USP32: variants seen among roughly 807,000 people sequenced by gnomAD.
The protein encoded by USP32 is ubiquitin carboxyl-terminal hydrolase 32.
In USP32, 59 loss-of-function variants were observed where a neutral mutation model predicts 204.8. The ratio of observed to expected loss-of-function variants is 0.29; its 90% CI spans 0.23 to 0.36. The LOEUF (loss-of-function observed/expected upper bound fraction) is 0.36. Ranked by LOEUF, USP32 falls within the 10% of genes least tolerant of loss-of-function variation. The pLI is 1.00. For missense variants in USP32, 1,160 were observed against 1,946.4 expected (o/e 0.60, Z 7.60); for synonymous variants, 517 against 678.4 (o/e 0.76, Z 3.70).
intron 2 of USP32, among the ~76,000 whole-genome samples, chr17:60,323,183 G>A (rs1266724061): frequency 6.6e-6 from 1 of 151,818 alleles, no homozygotes; most frequent in Non-Finnish European, 1.5e-5. Context: ...TCCACGCAAA[G>A]GTATACAAAT....
intron 2 of USP32, among the ~76,000 whole-genome samples, chr17:60,319,123 G>A (rs891049878): frequency 2.6e-5 from 4 of 152,302 alleles, no homozygotes; most frequent in South Asian, 4.1e-4. Flanking sequence ...TTAATGAGCC[G>A]AGTTTCTGTT....
Position 60,191,371 on chromosome 17 carries a change from C to T in USP32, c.3522-688G>A, listed in dbSNP as rs552378869. Among the ~76,000 whole-genome samples, 234 of 125,502 alleles carry T rather than the reference C, an allele frequency of 1.9e-3. 2 individuals are homozygous for T. The highest frequency in any genetic ancestry group is 0.014 in the Middle Eastern group (2 of 146). The allele number at this position is 125,502 out of a possible 152,430, so 82.3% of individuals were successfully genotyped here. A position where few individuals can be genotyped will look rare whatever the true frequency, so the allele number is the denominator to read the frequency against. On this transcript the variant is annotated intron_variant, in intron 28 of 33. Transcript: ENST00000300896. Reference sequence around the variant, plus strand: ...GAGCCGAGGTTGCACCACTGCACTGCAGCCTGGGTGACAGAGTGAGACTCT... The same window carrying T: ...GAGCCGAGGTTGCACCACTGCACTGTAGCCTGGGTGACAGAGTGAGACTCT...
At chr17:60,215,683 A>G (rs1219873696) in intron 16 of USP32, among the ~76,000 whole-genome samples, 3 of 152,188 alleles carry the variant, frequency 2.0e-5, no homozygotes, top group East Asian at 3.8e-4. Context: ...TCTATTACAT[A>G]TCAATTAAAA....
chr17:60,314,249 G>A (rs986045566), intron 2 of USP32, among the ~76,000 whole-genome samples: 3 of 141,938 alleles, frequency 2.1e-5, no homozygotes, highest in South Asian at 2.3e-4. Context: ...TCAAGCAATC[G>A]TCCCACCTCA....
intron 1 of USP32, among the ~76,000 whole-genome samples, chr17:60,353,724 G>A (rs2089006167): frequency 6.6e-6 from 1 of 152,180 alleles, no homozygotes; most frequent in African/African-American, 2.4e-5. Flanking sequence ...CTGGGAGACA[G>A]AGTGAGACTC....
rs183994187 is a variant in USP32, at chr17:60,285,966, G to A, written c.571+2557C>T. 7.6e-3 allele frequency among the ~76,000 whole-genome samples: 1,160 copies of A among 151,892 alleles called. 16 individuals are homozygous for A. The highest frequency in any genetic ancestry group is 9.3e-3 in the Non-Finnish European group (633 of 67,900). On this transcript the variant is annotated intron_variant, in intron 5 of 33. Coordinates refer to ENST00000300896, the MANE Select transcript of USP32 (RefSeq NM_032582.4). ...AGCCTGGCCAACACAGTGAAGCCCC[G>A]TCTCTAATAAAAATACAAAAATTAG...
chr17:60,265,895 T>A, intron 8 of USP32, 81 bp downstream of exon 8: 1 of 1,114,836 alleles, frequency 9.0e-7, no homozygotes, highest in Non-Finnish European at 1.3e-6. Context: ...ACAAATTATT[T>A]TATGCTTTTA....
rs750820136 is a variant in USP32, at chr17:60,214,741, C to T, written c.1901G>A (p.Arg634Gln). ...NVPSPNAPLK[R>Q]VLAYTGCFSR... ...AAAACAGCCTGTATAGGCTAATACCCGCTTTAAAGGTGCATTCGGAGAAGG... is the reference window on the plus strand; with the variant it reads ...AAAACAGCCTGTATAGGCTAATACCTGCTTTAAAGGTGCATTCGGAGAAGG... Residue 634 changes from arginine to glutamine, a missense_variant, in exon 17 of 34, where the codon CGG becomes CAG. Arg to Gln is a conservative substitution (Grantham distance 43, BLOSUM62 1). This residue lies in a region of USP32 where 132 missense variants were observed against 432.8 expected (regional missense o/e 0.30). Transcript: ENST00000300896. 1.2e-6 allele frequency: 2 copies of T among 1,613,762 alleles called. No individual in the cohort carries two copies. Among genetic ancestry groups the T allele is most frequent in the Admixed American group, 1.7e-5 (1 of 59,996 alleles).
rs892572656 is a variant in USP32 at position 60,368,993 on chromosome 17, T to A, written c.58+22889A>T. Among the ~76,000 whole-genome samples the A allele has an allele frequency of 4.9e-3, 599 of 121,252 alleles. 98 individuals carry two copies. Among genetic ancestry groups the A allele is most frequent in the African/African-American group, 0.028 (549 of 19,410 alleles). 79.5% of individuals were successfully genotyped at this position (121,252 alleles called of 152,430 possible). A position where few individuals can be genotyped will look rare whatever the true frequency, so the allele number is the denominator to read the frequency against. ...ATACACGAATTATTTTTTAAAAGAT[T>A]TTTTTTTTTTTTTTTTTTTGAGACG... On this transcript the variant is annotated intron_variant, in intron 1 of 33. Coordinates refer to ENST00000300896, the MANE Select transcript of USP32 (RefSeq NM_032582.4).
chr17:60,338,244 G>C (rs1020586536), intron 2 of USP32, among the ~76,000 whole-genome samples: 3 of 150,714 alleles, frequency 2.0e-5, no homozygotes, highest in African/African-American at 7.3e-5. Flanking sequence ...AGAATCTCTT[G>C]AACCTGGGAA....
At chr17:60,281,293 C>T (rs765428883) in intron 5 of USP32, among the ~76,000 whole-genome samples, 2 of 152,326 alleles carry the variant, frequency 1.3e-5, no homozygotes, top group African/African-American at 4.8e-5. Flanking sequence ...AATCCCAGCA[C>T]TTCGGGAGGC....
intron 9 of USP32, among the ~76,000 whole-genome samples, chr17:60,262,588 G>A (rs1473884158): frequency 6.6e-6 from 1 of 152,046 alleles, no homozygotes; most frequent in African/African-American, 2.4e-5. Flanking sequence ...TGAATCTTTG[G>A]AGGTTTCTCC....
At chr17:60,355,269 T>A (rs544645977) in intron 1 of USP32, among the ~76,000 whole-genome samples, 2 of 152,268 alleles carry the variant, frequency 1.3e-5, no homozygotes, top group East Asian at 3.9e-4. Context: ...AGTTATTGCC[T>A]CTGAGGATGT....
At chr17:60,252,919 TCATATATTAATTG>T (rs2086204719) in intron 10 of USP32, among the ~76,000 whole-genome samples, 1 of 152,214 alleles carries the variant, frequency 6.6e-6, no homozygotes, top group South Asian at 2.1e-4. Context: ...GTCTGCTTAT[TCATATATTAATTG>T]CATATATTAA....
intron 1 of USP32, among the ~76,000 whole-genome samples, chr17:60,376,691 T>C (rs1240559620): frequency 6.6e-6 from 1 of 151,820 alleles, no homozygotes; most frequent in Non-Finnish European, 1.5e-5. Flanking sequence ...GCCCAGCTAA[T>C]TTTTGTATTT....
chr17:60,366,402 C>T (rs747020387), intron 1 of USP32, among the ~76,000 whole-genome samples: 12 of 152,088 alleles, frequency 7.9e-5, no homozygotes, highest in Admixed American at 2.0e-4. Flanking sequence ...CGTGATCTAC[C>T]TGCCTCGGCC....
At chr17:60,289,002 T>TTTTTTG (rs2087195902) in intron 4 of USP32, among the ~76,000 whole-genome samples, 1 of 152,258 alleles carries the variant, frequency 6.6e-6, no homozygotes, top group East Asian at 1.9e-4. Flanking sequence ...CTGCATTTTG[T>TTTTTTG]TTTTTGTTTT....
chr17:60,349,642 AT>A (rs61266631), intron 1 of USP32, among the ~76,000 whole-genome samples: 1 of 102,528 alleles, frequency 9.8e-6, no homozygotes, highest in East Asian at 2.4e-4. Flanking sequence ...ATATATATAT[AT>A]TATATATATA....
intron 2 of USP32, among the ~76,000 whole-genome samples, chr17:60,309,569 T>C (rs1375015493): frequency 3.3e-5 from 5 of 152,116 alleles, no homozygotes; most frequent in African/African-American, 1.2e-4. Context: ...ACTACTGCTC[T>C]CCAGTGTGGG....
Sources: allele counts gnomAD v4.1 joint callset (sites outside exome capture counted in the v4.1 genomes callset), GRCh38; gene constraint gnomAD v4.1.1; regional missense constraint gnomAD v4.1.1; transcripts MANE v1.5; gene names NCBI Gene and HGNC (gene_info 2026-07-23, HGNC 2026-07-21).